CSK: variants seen among roughly 807,000 people sequenced by gnomAD.
CSK encodes tyrosine-protein kinase CSK.
CSK carries 7 observed loss-of-function variants against 62.3 expected under a neutral mutation model. That is an observed-to-expected ratio of 0.11 (90% CI 0.06 to 0.21). CSK has a LOEUF of 0.21. Among genes scored for constraint, CSK ranks in the 10% least tolerant of loss-of-function variants. The probability of loss-of-function intolerance (pLI) is 1.00; values close to 1 mark genes in which losing one functional copy is unlikely to be tolerated. For synonymous variants in CSK, 237 were observed against 246.0 expected (o/e 0.96, Z 0.34); for missense variants, 294 against 613.5 (o/e 0.48, Z 5.50).
intron 1 of CSK, chr15:74,797,800 T>G (rs2063729443): frequency 6.5e-6 from 1 of 154,940 alleles, no homozygotes; most frequent in African/African-American, 2.4e-5. Context: ...TGTTTAGAGA[T>G]GCTACCTGGG....
intron 1 of CSK, among the ~76,000 whole-genome samples, chr15:74,783,851 A>G (rs1292060688): frequency 6.6e-6 from 1 of 152,206 alleles, no homozygotes; most frequent in African/African-American, 2.4e-5. Flanking sequence ...CGCCACACCT[A>G]TGGCCCAGCT....
At chr15:74,789,795 C>T (rs1054539601) in intron 1 of CSK, among the ~76,000 whole-genome samples, 6 of 152,194 alleles carry the variant, frequency 3.9e-5, no homozygotes, top group South Asian at 2.1e-4. Context: ...GAAGCCTTCC[C>T]GGGTGGCCCC....
At chr15:74,800,136 A>G (rs1487902833) in intron 5 of CSK, among the ~76,000 whole-genome samples, 1 of 152,192 alleles carries the variant, frequency 6.6e-6, no homozygotes, top group African/African-American at 2.4e-5. Flanking sequence ...GGACTGAGCC[A>G]TGGGTTGCCC....
At chr15:74,790,279 C>T (rs533991076) in intron 1 of CSK, among the ~76,000 whole-genome samples, 1 of 152,364 alleles carries the variant, frequency 6.6e-6, no homozygotes, top group East Asian at 1.9e-4. Context: ...CCCCATTAGG[C>T]AGCAGAGTTT....
chr15:74,799,064 G>T lies in CSK; in HGVS notation c.242+126G>T, dbSNP rs567254276. 3.0e-4 allele frequency: 298 copies of T among 985,338 alleles called. 1 individual carries two copies. In the African/African-American group the frequency reaches 4.4e-3, roughly 15 times the overall value. 61.0% of individuals were successfully genotyped at this position (985,338 alleles called of 1,614,324 possible). ...GGGGAGGGCCTCAGGAGGAGGTGCA[G>T]GGTGCGGGTGCGGGACCTCACAGAG... On this transcript the variant is annotated intron_variant, in intron 4 of 12. Coordinates refer to ENST00000220003, the MANE Select transcript of CSK (RefSeq NM_004383.3).
In CSK at chr15:74,798,679, A is replaced by G; in HGVS notation, c.80A>G (p.Asp27Gly). The change falls in exon 3 of 13, where the codon GAC becomes GGC. Residue 27 changes from aspartate to glycine, a missense_variant. Physicochemically the swap from Asp to Gly is moderately conservative, Grantham distance 94. Coordinates refer to ENST00000220003, the MANE Select transcript of CSK (RefSeq NM_004383.3). The surrounding 1 kb of genome is among the most constrained non-coding windows in gnomAD (Gnocchi z 6.6). The stretch of plus-strand genomic sequence containing the variant: ...AACTTCCACGGCACTGCCGAGCAGG[A>G]CCTGCCCTTCTGCAAAGGAGACGTG... ...KYNFHGTAEQ[D>G]LPFCKGDVLT... The G allele has an allele frequency of 6.2e-7, 1 of 1,613,784 alleles. No homozygotes were observed. The highest frequency in any genetic ancestry group is 8.5e-7 in the Non-Finnish European group (1 of 1,180,034).
chr15:74,791,153 C>G (rs1378940), intron 1 of CSK, among the ~76,000 whole-genome samples: 1 of 152,008 alleles, frequency 6.6e-6, no homozygotes, highest in Non-Finnish European at 1.5e-5. Flanking sequence ...TCTGTCTTTC[C>G]AAAGATAATC....
chr15:74,788,184 T>C (rs1348577829), intron 1 of CSK, among the ~76,000 whole-genome samples: 1 of 152,208 alleles, frequency 6.6e-6, no homozygotes, highest in Non-Finnish European at 1.5e-5. Flanking sequence ...CTGGCTCTTT[T>C]CTGTGTGTCC....
intron 5 of CSK, 58 bp from the exon 6 acceptor site, chr15:74,800,354 C>A: frequency 6.7e-7 from 1 of 1,494,842 alleles, no homozygotes; most frequent in Non-Finnish European, 9.2e-7. Flanking sequence ...CAGGCCTGGA[C>A]GGTGCATATG....
chr15:74,796,788 T>C (rs2063713509), intron 1 of CSK, among the ~76,000 whole-genome samples: 1 of 151,920 alleles, frequency 6.6e-6, no homozygotes, highest in Non-Finnish European at 1.5e-5. Context: ...ACCCCAGAGG[T>C]CCCCTTGCAT....
intron 1 of CSK, among the ~76,000 whole-genome samples, chr15:74,787,539 G>A (rs2063542331): frequency 6.6e-6 from 1 of 152,186 alleles, no homozygotes; most frequent in African/African-American, 2.4e-5. Context: ...CCCAGGGACT[G>A]GAGGGCCCTG....
intron 1 of CSK, among the ~76,000 whole-genome samples, chr15:74,787,003 G>A (rs2063532282): frequency 1.3e-5 from 2 of 152,192 alleles, no homozygotes; most frequent in African/African-American, 4.8e-5. Context: ...GTCACAGGGT[G>A]GGGTCCGCCC....
chr15:74,801,868 CCCCTGAGG>C lies in CSK; in HGVS notation c.1069_1076del (p.Ala357ArgfsTer7). 6.2e-7 allele frequency: 1 copy of C among 1,612,308 alleles called. No individual in the cohort carries two copies. Among genetic ancestry groups the C allele is most frequent in the Non-Finnish European group, 8.5e-7 (1 of 1,178,806 alleles). ...GGCAAGCTGCCAGTCAAGTGGACAG[CCCCTGAGG>C]CCCTGAGAGAGAAGGTGGGGCTGGC... On this transcript the variant is annotated frameshift_variant, in exon 11 of 13. Transcript: ENST00000220003. LOFTEE classifies it high-confidence loss of function.
intron 1 of CSK, among the ~76,000 whole-genome samples, chr15:74,794,963 A>G (rs931590285): frequency 6.6e-6 from 1 of 151,938 alleles, no homozygotes; most frequent in Non-Finnish European, 1.5e-5. Flanking sequence ...ACCATCCCCT[A>G]CAGTGTCCCC....
intron 1 of CSK, among the ~76,000 whole-genome samples, chr15:74,797,354 G>C (rs549407062): frequency 1.3e-5 from 2 of 152,190 alleles, no homozygotes; most frequent in African/African-American, 4.8e-5. Flanking sequence ...TCAGGAGTTC[G>C]AGACCAGCCT....
chr15:74,798,355 C>A lies in CSK; in HGVS notation c.15+43C>A. On this transcript the variant is annotated intron_variant, in intron 2 of 12. Coordinates refer to ENST00000220003, the MANE Select transcript of CSK (RefSeq NM_004383.3). This position sits in a 1 kb window ranked among gnomAD's most constrained non-coding sequence, Gnocchi z 6.6. ...GTCTGGGACATGCAAGCATTCCCAC[C>A]AGCCCCAGCGGGGTGCTTAGCAGAG... 6.3e-7 allele frequency: 1 copy of A among 1,592,106 alleles called. No individual in the cohort carries two copies. Among genetic ancestry groups the A allele is most frequent in the South Asian group, 1.1e-5 (1 of 88,376 alleles).
chr15:74,783,737 G>C (rs1250313904), intron 1 of CSK, among the ~76,000 whole-genome samples: 3 of 152,230 alleles, frequency 2.0e-5, no homozygotes, highest in African/African-American at 7.2e-5. Flanking sequence ...AGGAGATGTG[G>C]GGAATGTGTG....
chr15:74,802,278 T>A, intron 12 of CSK, 53 bp from the exon 13 acceptor site: 8 of 1,511,270 alleles, frequency 5.3e-6, no homozygotes, highest in Non-Finnish European at 7.1e-6. Context: ...GCTGGGTAGG[T>A]GTCCTCTCTG....
At chr15:74,801,477 C>A in intron 9 of CSK, 45 bp from the exon 10 acceptor site, 2 of 1,577,360 alleles carry the variant, frequency 1.3e-6, no homozygotes, top group Non-Finnish European at 1.7e-6. Context: ...GAGAGGGCTG[C>A]AGGGCACGTC....
Sources: gnomAD v4.1 joint callset for allele counts (sites outside exome capture counted in the v4.1 genomes callset) on GRCh38, gnomAD v4.1.1 for gene constraint, Gnocchi (gnomAD v3.1) non-coding constraint, MANE v1.5 for transcripts, NCBI Gene and HGNC (gene_info 2026-07-23, HGNC 2026-07-21) for gene names.